The following MTUS1 variants were observed in gnomAD, a reference collection of about 807,000 sequenced individuals.
MTUS1 encodes the protein microtubule-associated tumor suppressor 1.
A neutral mutation model predicts 120.8 loss-of-function variants in MTUS1; 109 were observed. The ratio of observed to expected loss-of-function variants is 0.90; its 90% CI spans 0.77 to 1.06. The LOEUF (loss-of-function observed/expected upper bound fraction) is 1.06, where lower values mean the gene tolerates loss of function less well. MTUS1 is among the 50% of genes least tolerant of loss of function. The pLI is 0.00. For missense variants in MTUS1, 2,210 were observed against 1,486.3 expected, an observed-to-expected ratio of 1.49 and a Z score of -8.01; for synonymous variants, 737 against 550.5, an observed-to-expected ratio of 1.34 and a Z score of -4.74.
chr8:17,734,215 CTCTA>C (rs763596337), intron 3 of MTUS1: 22 of 152,222 alleles, frequency 1.4e-4, no homozygotes, highest in Admixed American at 1.2e-3. Context: ...AGCATACACG[CTCTA>C]TCTGTTAAGT....
intron 1 of MTUS1, among the ~76,000 whole-genome samples, chr8:17,783,276 C>T (rs1037164461): frequency 2.0e-5 from 3 of 152,186 alleles, no homozygotes; most frequent in African/African-American, 7.2e-5. Context: ...GTGAGGTGTT[C>T]TCTCCATTCC....
intron 3 of MTUS1, among the ~76,000 whole-genome samples, chr8:17,737,693 C>A (rs1037311771): frequency 6.6e-6 from 1 of 152,126 alleles, no homozygotes; most frequent in African/African-American, 2.4e-5. Context: ...CACTCTGTTG[C>A]CCAGGTGGGT....
At chr8:17,667,608 A>C (rs989930488) in intron 8 of MTUS1, among the ~76,000 whole-genome samples, 7 of 152,132 alleles carry the variant, frequency 4.6e-5, no homozygotes, top group Admixed American at 3.3e-4. Flanking sequence ...TATTTCTTAA[A>C]CTCTTGATTA....
intron 1 of MTUS1, among the ~76,000 whole-genome samples, chr8:17,795,174 G>A (rs2052121453): frequency 6.6e-6 from 1 of 152,116 alleles, no homozygotes; most frequent in East Asian, 1.9e-4. Flanking sequence ...CTACCCAACA[G>A]TCAAGACTTA....
At chr8:17,714,507 G>A (rs1821932598) in intron 5 of MTUS1, among the ~76,000 whole-genome samples, 1 of 152,132 alleles carries the variant, frequency 6.6e-6, no homozygotes, top group Non-Finnish European at 1.5e-5. Flanking sequence ...CATTTGAAGA[G>A]GTTCATCTCA....
Position 17,656,006 on chromosome 8 carries a change from A to G in MTUS1, c.2965T>C (p.Tyr989His), listed in dbSNP as rs1208199286. 1 of 1,614,248 alleles carries G rather than the reference A, an allele frequency of 6.2e-7. No individual in the cohort carries two copies. The highest frequency in any genetic ancestry group is 8.5e-7 in the Non-Finnish European group (1 of 1,180,052). Reference protein sequence around the residue: ...EKARNELQTVYEAFVQQHQAE... With the variant: ...EKARNELQTVHEAFVQQHQAE... ...TGGTGCTGCTGGACGAATGCTTCAT[A>G]CACTGTTTGTAACTCATTCCTGGCT... Residue 989 changes from tyrosine (Y) to histidine (H), a missense_variant, in exon 9 of 15, where the codon TAT becomes CAT. Physicochemically the swap from Tyr to His is moderately conservative, Grantham distance 83. Transcript: ENST00000693296.
At chr8:17,654,407 A>C in intron 10 of MTUS1, 154 bp downstream of exon 10, 1 of 613,798 alleles carries the variant, frequency 1.6e-6, no homozygotes, top group East Asian at 2.7e-5. Context: ...GCATCTGTTA[A>C]CAATAAACCA....
intron 2 of MTUS1, among the ~76,000 whole-genome samples, chr8:17,753,281 A>G (rs76064072): frequency 3.3e-5 from 5 of 152,026 alleles, no homozygotes; most frequent in Admixed American, 2.0e-4. Context: ...CTCCTCCGCA[A>G]GAGTCCAGGA....
intron 3 of MTUS1, 125 bp from the exon 4 acceptor site, chr8:17,723,958 A>T: frequency 1.4e-6 from 1 of 727,960 alleles, no homozygotes; most frequent in Non-Finnish European, 2.3e-6. Flanking sequence ...AATGTTCACA[A>T]TCATGTAACT....
intron 3 of MTUS1, among the ~76,000 whole-genome samples, chr8:17,726,704 T>C (rs2046251545): frequency 6.6e-6 from 1 of 152,202 alleles, no homozygotes; most frequent in Admixed American, 6.5e-5. Context: ...TTTAAAAATT[T>C]ATGGTTAGCC....
chr8:17,722,332 G>C (rs2045908939), intron 4 of MTUS1: 2 of 966,642 alleles, frequency 2.1e-6, no homozygotes, highest in South Asian at 4.8e-5. Context: ...AGTTTTTCTA[G>C]AGCATGTTGG....
intron 14 of MTUS1, 23 bp from the exon 15 acceptor site, chr8:17,646,162 C>A: frequency 6.4e-7 from 1 of 1,563,156 alleles, no homozygotes; most frequent in South Asian, 1.2e-5. Context: ...GGCCAGAAAC[C>A]ATGAGATCTA....
At position 17,683,786 on chromosome 8, in the gene MTUS1, T is replaced by C. The variant is rs754503669; in HGVS notation, c.2838+542A>G. The stretch of plus-strand genomic sequence containing the variant: ...ATTTTAGCCAGTTCCTGAAATAACA[T>C]CCCTGAAGAATATTAGGGAAAAGTA... On this transcript the variant is annotated intron_variant, in intron 7 of 14. Transcript: ENST00000693296. Among the ~76,000 whole-genome samples, 90 of 152,336 alleles carry C rather than the reference T, an allele frequency of 5.9e-4. 1 individual carries two copies. Among genetic ancestry groups the C allele is most frequent in the Admixed American group, 3.2e-3 (49 of 15,298 alleles).
intron 1 of MTUS1, among the ~76,000 whole-genome samples, chr8:17,774,027 ACCT>A (rs1333947540): frequency 1.3e-5 from 2 of 152,012 alleles, no homozygotes; most frequent in African/African-American, 2.4e-5. Context: ...TAGCTCCCTC[ACCT>A]CATTATATGA....
intron 8 of MTUS1, among the ~76,000 whole-genome samples, chr8:17,662,963 A>G (rs1489363929): frequency 1.3e-5 from 2 of 152,162 alleles, no homozygotes; most frequent in African/African-American, 2.4e-5. Flanking sequence ...CCACATTGAG[A>G]TTAGAAGTCA....
intron 9 of MTUS1, 23 bp from the exon 10 acceptor site, chr8:17,654,689 T>C (rs1427098637): frequency 2.5e-6 from 4 of 1,570,754 alleles, no homozygotes; most frequent in Non-Finnish European, 3.5e-6. Context: ...AACAAAACCG[T>C]GGTTTAACAG....
intron 6 of MTUS1, among the ~76,000 whole-genome samples, chr8:17,689,204 C>A (rs1386746968): frequency 6.6e-6 from 1 of 152,010 alleles, no homozygotes; most frequent in East Asian, 1.9e-4. Flanking sequence ...GAGCAAGACT[C>A]CGTTCTCAAA....
intron 1 of MTUS1, among the ~76,000 whole-genome samples, chr8:17,772,467 C>A (rs997547651): frequency 6.6e-6 from 1 of 152,164 alleles, no homozygotes; most frequent in Non-Finnish European, 1.5e-5. Context: ...CATATTATAT[C>A]TGCTAAAACA....
intron 6 of MTUS1, among the ~76,000 whole-genome samples, chr8:17,710,853 T>C (rs1350092549): frequency 6.6e-6 from 1 of 152,198 alleles, no homozygotes; most frequent in East Asian, 1.9e-4. Context: ...TGTTAGCAGG[T>C]GTGAAAACAT....
Sources: allele counts gnomAD v4.1 joint callset (sites outside exome capture counted in the v4.1 genomes callset), GRCh38; gene constraint gnomAD v4.1.1; transcripts MANE v1.5; gene names NCBI Gene and HGNC (gene_info 2026-07-23, HGNC 2026-07-21).